Variants in SLC35F4 observed in about 807,000 individuals in gnomAD.
The protein encoded by SLC35F4 is solute carrier family 35 member F4.
In SLC35F4, 24 loss-of-function variants were observed where a neutral mutation model predicts 44.2. The observed-to-expected ratio is 0.54, with a 90% CI of 0.39 to 0.76. The LOEUF is 0.76. Among genes scored for constraint, SLC35F4 ranks in the 30% least tolerant of loss-of-function variants. SLC35F4 has a pLI of 0.00. For missense variants in SLC35F4, 562 were observed against 586.1 expected (o/e 0.96, Z 0.42); for synonymous variants, 238 against 223.6 (o/e 1.06, Z -0.57).
At chr14:57,725,283 G>A (rs866525599) in intron 1 of SLC35F4, among the ~76,000 whole-genome samples, 1 of 152,180 alleles carries the variant, frequency 6.6e-6, no homozygotes, top group Middle Eastern at 3.2e-3. Flanking sequence ...AGGCTGACCT[G>A]GCTATGGTCA....
intron 1 of SLC35F4, among the ~76,000 whole-genome samples, chr14:57,639,896 G>A (rs191610357): frequency 3.9e-5 from 6 of 152,026 alleles, no homozygotes; most frequent in East Asian, 1.9e-4. Context: ...TAAGAAACTC[G>A]TTTTAGCTCA....
intron 1 of SLC35F4, among the ~76,000 whole-genome samples, chr14:57,749,255 G>T (rs890877791): frequency 2.6e-5 from 4 of 152,004 alleles, no homozygotes; most frequent in African/African-American, 9.7e-5. Context: ...TTTGTTTGGG[G>T]ATAGGATCAC....
At chr14:57,625,900 T>C (rs1309356068) in intron 1 of SLC35F4, among the ~76,000 whole-genome samples, 1 of 152,092 alleles carries the variant, frequency 6.6e-6, no homozygotes, top group African/African-American at 2.4e-5. Context: ...CTGTTAACAA[T>C]AGCAAAGACT....
At chr14:57,771,604 A>C (rs1183152375) in intron 1 of SLC35F4, among the ~76,000 whole-genome samples, 1 of 152,054 alleles carries the variant, frequency 6.6e-6, no homozygotes, top group Non-Finnish European at 1.5e-5. Context: ...TTACTTATTT[A>C]TTTATTTGAG....
intron 1 of SLC35F4, among the ~76,000 whole-genome samples, chr14:57,668,956 C>G (rs1393574546): frequency 6.6e-6 from 1 of 152,090 alleles, no homozygotes; most frequent in Non-Finnish European, 1.5e-5. Flanking sequence ...TTCTTCCTAT[C>G]CATGAGCATG....
At chr14:57,950,711 C>A (rs1890121740) in intron 1 of SLC35F4, among the ~76,000 whole-genome samples, 1 of 137,024 alleles carries the variant, frequency 7.3e-6, no homozygotes, top group South Asian at 2.3e-4. Context: ...ACTGTGTTGC[C>A]CAGCTGGAGT....
chr14:57,901,255 G>T (rs534745823), intron 1 of SLC35F4, among the ~76,000 whole-genome samples: 1 of 152,250 alleles, frequency 6.6e-6, no homozygotes, highest in South Asian at 2.1e-4. Context: ...CAATAGCAAA[G>T]ATCTGGAATC....
At chr14:57,961,635 C>A (rs928709079) in intron 1 of SLC35F4, among the ~76,000 whole-genome samples, 7 of 152,160 alleles carry the variant, frequency 4.6e-5, no homozygotes, top group Non-Finnish European at 1.0e-4. Flanking sequence ...TAATTCCTGG[C>A]GGGATGGCTG....
At chr14:57,638,915 A>G (rs2140153568) in intron 1 of SLC35F4, among the ~76,000 whole-genome samples, 3 of 152,214 alleles carry the variant, frequency 2.0e-5, no homozygotes, top group Middle Eastern at 6.8e-3. Flanking sequence ...TGCCACATAC[A>G]TGCAAAATGG....
Position 57,865,856 on chromosome 14 carries a change from G to A in SLC35F4, c.-31C>T, listed in dbSNP as rs1469354122. The A allele has an allele frequency of 6.9e-7, 1 of 1,459,434 alleles. No homozygotes were observed. Among genetic ancestry groups the A allele is most frequent in the Non-Finnish European group, 9.1e-7 (1 of 1,097,586 alleles). The allele number at this position is 1,459,434 out of a possible 1,614,324, so 90.4% of individuals were successfully genotyped here. ...GCGCGGGGCGACGGCCCCGAGTGCGGCGGGGCGGAGAGCGCAGCGCGGGGC... is the reference window on the plus strand; with the variant it reads ...GCGCGGGGCGACGGCCCCGAGTGCGACGGGGCGGAGAGCGCAGCGCGGGGC... On this transcript the variant is annotated 5_prime_UTR_variant, in exon 1 of 8. Coordinates refer to ENST00000556826, the MANE Select transcript of SLC35F4 (RefSeq NM_001306087.2).
chr14:57,786,431 A>G (rs4901821), intron 1 of SLC35F4, among the ~76,000 whole-genome samples: 10,861 of 152,224 alleles, frequency 0.071, 679 homozygotes, highest in East Asian at 0.19. Flanking sequence ...TGCTCTCTGG[A>G]AAGTGCCACC....
chr14:57,677,943 A>G (rs1156884831), intron 1 of SLC35F4, among the ~76,000 whole-genome samples: 4 of 152,256 alleles, frequency 2.6e-5, no homozygotes, highest in African/African-American at 9.6e-5. Context: ...GCAAACTAAA[A>G]TATAAATAAG....
At chr14:57,716,146 T>C (rs776317573) in intron 1 of SLC35F4, among the ~76,000 whole-genome samples, 1 of 152,088 alleles carries the variant, frequency 6.6e-6, no homozygotes, top group Admixed American at 6.5e-5. Context: ...ATGCCATTCA[T>C]CCACTGAAGG....
intron 1 of SLC35F4, among the ~76,000 whole-genome samples, chr14:57,843,435 G>A (rs1885688330): frequency 6.6e-6 from 1 of 152,126 alleles, no homozygotes. Context: ...GTGGAGGAAA[G>A]TTTTAGTCCT....
chr14:57,670,233 T>G (rs2074466888), intron 1 of SLC35F4, among the ~76,000 whole-genome samples: 2 of 152,122 alleles, frequency 1.3e-5, no homozygotes, highest in Non-Finnish European at 2.9e-5. Flanking sequence ...TCTTCTTTAT[T>G]AGTCTTGCTA....
At chr14:57,711,795 C>T (rs370185666) in intron 1 of SLC35F4, among the ~76,000 whole-genome samples, 88 of 152,320 alleles carry the variant, frequency 5.8e-4, no homozygotes, top group African/African-American at 1.7e-3. Flanking sequence ...GCATGCAGCA[C>T]TACTGTAAGA....
chr14:57,735,787 A>G (rs1205446202), intron 1 of SLC35F4, among the ~76,000 whole-genome samples: 1 of 151,676 alleles, frequency 6.6e-6, no homozygotes, highest in Non-Finnish European at 1.5e-5. Context: ...CAGTGGTGCA[A>G]TCATAGCTTA....
intron 1 of SLC35F4, among the ~76,000 whole-genome samples, chr14:57,606,900 T>C (rs1370820597): frequency 6.6e-6 from 1 of 152,244 alleles, no homozygotes; most frequent in African/African-American, 2.4e-5. Context: ...GGCCTAATTC[T>C]GTGATGACTA....
intron 1 of SLC35F4, among the ~76,000 whole-genome samples, chr14:57,878,455 T>A (rs1888448733): frequency 6.6e-6 from 1 of 152,188 alleles, no homozygotes; most frequent in African/African-American, 2.4e-5. Flanking sequence ...GGTCCCAGTC[T>A]ACATCTCCAA....
Sources: gnomAD v4.1 joint callset for allele counts (sites outside exome capture counted in the v4.1 genomes callset) on GRCh38, gnomAD v4.1.1 for gene constraint, MANE v1.5 for transcripts, NCBI Gene and HGNC (gene_info 2026-07-23, HGNC 2026-07-21) for gene names.